The following UNC13A variants were observed in gnomAD, a reference collection of about 807,000 sequenced individuals.
UNC13A encodes unc-13 homolog A.
In UNC13A, 61 loss-of-function variants were observed where a neutral mutation model predicts 219.7. The observed-to-expected ratio is 0.28, with a 90% CI of 0.23 to 0.34. The LOEUF (loss-of-function observed/expected upper bound fraction) is 0.34, where lower values mean the gene tolerates loss of function less well. Ranked by LOEUF, UNC13A falls within the 10% of genes least tolerant of loss-of-function variation. The pLI, the probability that UNC13A is intolerant of heterozygous loss-of-function variation, is 1.00. For missense variants in UNC13A, 1,476 were observed against 2,270.3 expected (o/e 0.65, Z 7.11); for synonymous variants, 920 against 884.6 (o/e 1.04, Z -0.71).
Position 17,606,043 on chromosome 19 carries a change from G to A in UNC13A, c.*11C>T. 3 of 1,499,584 alleles carry A rather than the reference G, an allele frequency of 2.0e-6. No individual in the cohort carries two copies. Among genetic ancestry groups the A allele is most frequent in the Non-Finnish European group, 1.8e-6 (2 of 1,130,714 alleles). 92.9% of individuals were successfully genotyped at this position (1,499,584 alleles called of 1,614,324 possible). On this transcript the variant is annotated 3_prime_UTR_variant, in exon 44 of 44. Transcript: ENST00000519716. ...CGCGCAGGCGCAGTGCCGCTCGGCC[G>A]ACCGCCCGCGCTAAGGCGCAGGCGC...
At position 17,652,725 on chromosome 19, in the gene UNC13A, C is replaced by T. The variant is rs1427214027; in HGVS notation, c.1393-48G>A. On this transcript the variant is annotated intron_variant, in intron 11 of 43. Coordinates refer to ENST00000519716, the MANE Select transcript of UNC13A (RefSeq NM_001080421.3). Reference sequence around the variant, plus strand: ...TGGTCAGTGTGGCTGTCCCTCCCCTCCCCAGAGCAGGCTCCACACCCACTT... The same window carrying T: ...TGGTCAGTGTGGCTGTCCCTCCCCTTCCCAGAGCAGGCTCCACACCCACTT... The T allele has an allele frequency of 5.0e-6, 8 of 1,610,002 alleles. No individual in the cohort carries two copies. The East Asian group carries it at 8.9e-5, about 18-fold the overall frequency.
chr19:17,652,673 C>T lies in UNC13A; in HGVS notation c.1397G>A (p.Arg466Gln), dbSNP rs769430666. ...NKVRMQLQEARGEGEMSKSLW... is the reference protein window; with the variant it reads ...NKVRMQLQEAQGEGEMSKSLW... ...GGATTTAGACATCTCTCCTTCTCCC[C>T]GGGCCTGCAGGACAGACAGACAGAT... Residue 466 changes from arginine to glutamine, a missense_variant, in exon 12 of 44, where the codon CGG becomes CAG. Physicochemically the swap from Arg to Gln is conservative, Grantham distance 43. This residue lies in a region of UNC13A where 351 missense variants were observed against 342.6 expected (regional missense o/e 1.02). Transcript: ENST00000519716. The T allele has an allele frequency of 4.0e-5, 64 of 1,613,580 alleles. No individual in the cohort carries two copies. The highest frequency in any genetic ancestry group is 4.6e-5 in the Non-Finnish European group (54 of 1,179,714).
chr19:17,619,941 G>A (rs1215781781), intron 38 of UNC13A, among the ~76,000 whole-genome samples: 2 of 152,198 alleles, frequency 1.3e-5, no homozygotes, highest in Non-Finnish European at 2.9e-5. Context: ...TCTAGATGAG[G>A]AAAATTATAT....
At position 17,649,093 on chromosome 19, in the gene UNC13A, C is replaced by A; in HGVS notation, c.1525-110G>T. On this transcript the variant is annotated intron_variant, in intron 14 of 43. Coordinates refer to ENST00000519716, the MANE Select transcript of UNC13A (RefSeq NM_001080421.3). This position sits in a 1 kb window ranked among gnomAD's most constrained non-coding sequence, Gnocchi z 4.4. ...AGCAGCCACATTTTGGAGCCACAACCGCAAGTTGGAAACAGGTCACCGACA... is the reference window on the plus strand; with the variant it reads ...AGCAGCCACATTTTGGAGCCACAACAGCAAGTTGGAAACAGGTCACCGACA... 2 of 1,295,254 alleles carry A rather than the reference C, an allele frequency of 1.5e-6. No individual in the cohort carries two copies. The highest frequency in any genetic ancestry group is 2.1e-6 in the Non-Finnish European group (2 of 936,920). 80.2% of individuals were successfully genotyped at this position (1,295,254 alleles called of 1,614,324 possible).
chr19:17,621,726 A>G, intron 37 of UNC13A, 106 bp downstream of exon 37: 1 of 1,211,064 alleles, frequency 8.3e-7, no homozygotes, highest in Non-Finnish European at 1.2e-6. Flanking sequence ...TCTCCTACCC[A>G]CGACCCCCAG....
At chr19:17,681,214 A>G (rs182203829) in intron 1 of UNC13A, among the ~76,000 whole-genome samples, 1 of 150,966 alleles carries the variant, frequency 6.6e-6, no homozygotes. Context: ...GATTCTAATT[A>G]GGGGGGACTG....
intron 6 of UNC13A, among the ~76,000 whole-genome samples, 173 bp downstream of exon 6, chr19:17,667,932 CTTGACCCCATCA>C (rs2079691014): frequency 6.6e-6 from 1 of 151,926 alleles, no homozygotes; most frequent in African/African-American, 2.4e-5. Flanking sequence ...CTGTGTGTTT[CTTGACCCCATCA>C]TTGTCTAGAG....
intron 40 of UNC13A, 126 bp downstream of exon 40, chr19:17,618,295 G>T: frequency 9.6e-7 from 1 of 1,043,884 alleles, no homozygotes; most frequent in Non-Finnish European, 1.4e-6. Context: ...GCACAGACAG[G>T]GGAACGAGGG....
At chr19:17,666,906 GAGAGAAAGAC>G (rs200811803) in intron 6 of UNC13A, among the ~76,000 whole-genome samples, 4 of 31,720 alleles carry the variant, frequency 1.3e-4, no homozygotes, top group Non-Finnish European at 5.0e-4. Flanking sequence ...GAGAGAGAGA[GAGAGAAAGAC>G]AGAGACAGAG....
chr19:17,662,318 T>C (rs1599393747), intron 8 of UNC13A, among the ~76,000 whole-genome samples: 2 of 152,100 alleles, frequency 1.3e-5, no homozygotes, highest in East Asian at 3.9e-4. Context: ...CTAGGTTGTG[T>C]GCTCCTTATG....
intron 25 of UNC13A, 25 bp downstream of exon 25, chr19:17,639,058 C>T: frequency 1.3e-6 from 2 of 1,556,194 alleles, no homozygotes; most frequent in South Asian, 1.2e-5. Context: ...ATCACTGTTC[C>T]CTTCTGACCC....
At chr19:17,678,356 C>G (rs10415568) in intron 1 of UNC13A, among the ~76,000 whole-genome samples, 75,060 of 151,882 alleles carry the variant, frequency 0.49, 20,238 homozygotes, top group African/African-American at 0.69. Flanking sequence ...GCACGCACCT[C>G]TAATCCCAGC....
At position 17,683,360 on chromosome 19, in the gene UNC13A, G is replaced by A. The variant is rs150660698; in HGVS notation, c.22+4818C>T. 4.1e-3 allele frequency among the ~76,000 whole-genome samples: 630 copies of A among 152,146 alleles called. 4 individuals carry two copies. The highest frequency in any genetic ancestry group is 0.014 in the African/African-American group (579 of 41,518). ...GCCTATGAAATGCTGGGCTGGGCAC[G>A]GTGGCTCGAGCCTGTAATCTCAGTA... On this transcript the variant is annotated intron_variant, in intron 1 of 43. Coordinates refer to ENST00000519716, the MANE Select transcript of UNC13A (RefSeq NM_001080421.3).
chr19:17,605,992 C>A lies in UNC13A; in HGVS notation c.*62G>T. On this transcript the variant is annotated 3_prime_UTR_variant, in exon 44 of 44. Transcript: ENST00000519716. Reference sequence around the variant, plus strand: ...GGGGAGGTCCCACCAAGGCGCAAGCCCCGTCCCTCCCCGCCCAGCGCCCTC... The same window carrying A: ...GGGGAGGTCCCACCAAGGCGCAAGCACCGTCCCTCCCCGCCCAGCGCCCTC... The A allele has an allele frequency of 7.3e-7, 1 of 1,366,932 alleles. No individual in the cohort carries two copies. The highest frequency in any genetic ancestry group is 1.7e-5 in the South Asian group (1 of 58,318). 84.7% of individuals were successfully genotyped at this position (1,366,932 alleles called of 1,614,324 possible). A position where few individuals can be genotyped will look rare whatever the true frequency, so the allele number is the denominator to read the frequency against.
At chr19:17,634,432 G>A (rs543095052) in intron 26 of UNC13A, among the ~76,000 whole-genome samples, 17 of 151,992 alleles carry the variant, frequency 1.1e-4, no homozygotes, top group East Asian at 3.9e-4. Flanking sequence ...TCCACCACCC[G>A]GGCTCAAATG....
intron 35 of UNC13A, among the ~76,000 whole-genome samples, chr19:17,624,068 C>T (rs1377329269): frequency 1.3e-5 from 2 of 151,086 alleles, no homozygotes; most frequent in Non-Finnish European, 2.9e-5. Context: ...CCCTCTTTGG[C>T]TTTTGAATGA....
In UNC13A at chr19:17,639,661, C is replaced by T. The variant is rs1389885562; in HGVS notation, c.2857-136G>A. ...AGAGCACCTCGAAGCAACTGGGGAT[C>T]TGCTTGGATGCACCAAGCACATTAC... is the stretch of plus-strand genomic sequence containing the variant. On this transcript the variant is annotated intron_variant, in intron 23 of 43. Coordinates refer to ENST00000519716, the MANE Select transcript of UNC13A (RefSeq NM_001080421.3). 3.4e-6 allele frequency: 4 copies of T among 1,169,502 alleles called. No individual in the cohort carries two copies. The East Asian group carries it at 1.0e-4, about 30-fold the overall frequency. 72.4% of individuals were successfully genotyped at this position (1,169,502 alleles called of 1,614,324 possible). A position where few individuals can be genotyped will look rare whatever the true frequency, so the allele number is the denominator to read the frequency against.
At chr19:17,686,087 CCT>C (rs1166233134) in intron 1 of UNC13A, among the ~76,000 whole-genome samples, 3 of 151,672 alleles carry the variant, frequency 2.0e-5, no homozygotes, top group African/African-American at 7.3e-5. Flanking sequence ...ACCTCCCACC[CCT>C]GTCAACCTCT....
At chr19:17,621,104 T>C (rs2076725174) in intron 37 of UNC13A, among the ~76,000 whole-genome samples, 1 of 152,074 alleles carries the variant, frequency 6.6e-6, no homozygotes, top group Non-Finnish European at 1.5e-5. Context: ...AAAAAACATA[T>C]TAACATATAC....
Sources: gnomAD v4.1 joint callset for allele counts (sites outside exome capture counted in the v4.1 genomes callset) on GRCh38, gnomAD v4.1.1 for gene constraint, gnomAD v4.1.1 regional missense constraint, Gnocchi (gnomAD v3.1) non-coding constraint, MANE v1.5 for transcripts, NCBI Gene and HGNC (gene_info 2026-07-23, HGNC 2026-07-21) for gene names.